STYK1: variants seen among roughly 807,000 people sequenced by gnomAD.
STYK1 encodes the protein tyrosine-protein kinase STYK1.
STYK1 carries 46 observed loss-of-function variants against 48.1 expected under a neutral mutation model. The observed-to-expected ratio is 0.96, with a 90% CI of 0.75 to 1.22. The LOEUF (loss-of-function observed/expected upper bound fraction) is 1.22, where lower values mean the gene tolerates loss of function less well. STYK1 is among the 50% of genes most tolerant of loss of function. STYK1 has a pLI of 0.00. For synonymous variants in STYK1, 188 were observed against 189.0 expected (o/e 0.99, Z 0.04); for missense variants, 527 against 521.1 (o/e 1.01, Z -0.11).
At chr12:10,634,834 G>C (rs1947468787) in intron 2 of STYK1, 148 bp from the exon 3 acceptor site, 1 of 574,954 alleles carries the variant, frequency 1.7e-6, no homozygotes, top group Admixed American at 3.1e-5. Context: ...CTACCTAGCT[G>C]ATATTCAGGT....
intron 6 of STYK1, among the ~76,000 whole-genome samples, chr12:10,628,456 G>A (rs969407215): frequency 2.0e-5 from 3 of 152,196 alleles, no homozygotes; most frequent in Non-Finnish European, 2.9e-5. Flanking sequence ...AAAATGGAAA[G>A]AAGCTAGTGC....
At chr12:10,652,389 C>T (rs112233692) in intron 1 of STYK1, among the ~76,000 whole-genome samples, 48 of 152,192 alleles carry the variant, frequency 3.2e-4, no homozygotes, top group African/African-American at 9.9e-4. Context: ...CATAGAATTG[C>T]GCAATGTAAT....
chr12:10,622,782 A>C (rs1490866145), intron 8 of STYK1, 104 bp from the exon 9 acceptor site: 2 of 1,329,152 alleles, frequency 1.5e-6, no homozygotes, highest in East Asian at 4.8e-5. Flanking sequence ...TGAAAAAGGC[A>C]ATGAAGGAGA....
chr12:10,661,610 G>A lies in STYK1; in HGVS notation c.-195+12356C>T, dbSNP rs114188630. Among the ~76,000 whole-genome samples the A allele has an allele frequency of 4.9e-3, 740 of 152,334 alleles. 5 individuals are homozygous for A. The highest frequency in any genetic ancestry group is 0.016 in the African/African-American group (671 of 41,578). ...AACATTTATATAGTGGTAGTCATGT[G>A]TTAGGCACTCTTCCAAGCACTTCAC... On this transcript the variant is annotated intron_variant, in intron 1 of 10. Coordinates refer to ENST00000075503, the MANE Select transcript of STYK1 (RefSeq NM_018423.3).
intron 1 of STYK1, among the ~76,000 whole-genome samples, chr12:10,670,020 T>C (rs113803544): frequency 2.0e-5 from 3 of 152,206 alleles, no homozygotes; most frequent in African/African-American, 7.2e-5. Context: ...GCTTGCACAC[T>C]GTTGGTGGGA....
At chr12:10,626,564 C>T (rs2120615096) in intron 7 of STYK1, among the ~76,000 whole-genome samples, 1 of 152,286 alleles carries the variant, frequency 6.6e-6, no homozygotes, top group African/African-American at 2.4e-5. Context: ...AGTAGCTTCA[C>T]AGAACCCCGA....
chr12:10,663,064 T>G (rs1168135389), intron 1 of STYK1, among the ~76,000 whole-genome samples: 1 of 152,210 alleles, frequency 6.6e-6, no homozygotes, highest in Non-Finnish European at 1.5e-5. Flanking sequence ...CCAGCATAAT[T>G]TGTTAAAGAC....
chr12:10,632,390 G>A (rs1045351332), intron 4 of STYK1, among the ~76,000 whole-genome samples: 7 of 152,166 alleles, frequency 4.6e-5, no homozygotes, highest in Admixed American at 2.6e-4. Context: ...AATTGCAAAA[G>A]CATTAAGCAG....
chr12:10,638,941 A>C (rs73040690), intron 1 of STYK1, among the ~76,000 whole-genome samples: 5,798 of 152,276 alleles, frequency 0.038, 148 homozygotes, highest in Non-Finnish European at 0.059. Context: ...TTAGATAGAC[A>C]AGTGATCCAC....
chr12:10,673,475 T>C (rs563616635), intron 1 of STYK1: 2 of 152,262 alleles, frequency 1.3e-5, no homozygotes, highest in East Asian at 3.9e-4. Flanking sequence ...TGGTTATTGA[T>C]ATCTCATTTA....
chr12:10,632,141 C>T (rs1211147546), intron 4 of STYK1, among the ~76,000 whole-genome samples: 2 of 151,210 alleles, frequency 1.3e-5, no homozygotes, highest in Non-Finnish European at 2.9e-5. Flanking sequence ...CTCCTGAGCC[C>T]AGGAGATCCT....
At chr12:10,638,304 T>C (rs572256521) in intron 1 of STYK1, among the ~76,000 whole-genome samples, 1 of 152,356 alleles carries the variant, frequency 6.6e-6, no homozygotes, top group South Asian at 2.1e-4. Context: ...CATTCCTTAA[T>C]TTCTCTTATC....
At chr12:10,624,984 A>G (rs1947340047) in intron 7 of STYK1, 125 bp from the exon 8 acceptor site, 1 of 750,858 alleles carries the variant, frequency 1.3e-6, no homozygotes, top group Non-Finnish European at 2.3e-6. Flanking sequence ...AAGTCTCACT[A>G]ATAATGATAT....
chr12:10,623,876 A>G (rs1947326737), intron 8 of STYK1, among the ~76,000 whole-genome samples: 2 of 152,176 alleles, frequency 1.3e-5, no homozygotes. Context: ...TCATTTGGGA[A>G]ACTCATCCTT....
intron 1 of STYK1, among the ~76,000 whole-genome samples, chr12:10,637,703 G>A (rs1232429942): frequency 2.6e-5 from 4 of 152,080 alleles, no homozygotes; most frequent in African/African-American, 9.7e-5. Context: ...AGCTAATGTG[G>A]GAAACCTCAC....
At chr12:10,669,347 A>G (rs1947868703) in intron 1 of STYK1, among the ~76,000 whole-genome samples, 1 of 152,202 alleles carries the variant, frequency 6.6e-6, no homozygotes, top group Non-Finnish European at 1.5e-5. Context: ...TTGTTCCATC[A>G]TTAAGCAGGT....
chr12:10,665,779 T>C (rs183041640), intron 1 of STYK1, among the ~76,000 whole-genome samples: 1 of 152,322 alleles, frequency 6.6e-6, no homozygotes, highest in African/African-American at 2.4e-5. Context: ...CTCTGCTTCT[T>C]TTTTCTTCCT....
chr12:10,650,494 G>A (rs773912928), intron 1 of STYK1, among the ~76,000 whole-genome samples: 8 of 152,200 alleles, frequency 5.3e-5, no homozygotes, highest in Non-Finnish European at 8.8e-5. Flanking sequence ...TTTCAAATCA[G>A]TGGTTCCAAC....
intron 6 of STYK1, 30 bp downstream of exon 6, chr12:10,629,463 A>G: frequency 6.2e-7 from 1 of 1,611,254 alleles, no homozygotes; most frequent in Non-Finnish European, 8.5e-7. Flanking sequence ...TCAAGCCTTA[A>G]CCTCCTAATA....
Sources: allele counts gnomAD v4.1 joint callset (sites outside exome capture counted in the v4.1 genomes callset), GRCh38; gene constraint gnomAD v4.1.1; transcripts MANE v1.5; gene names NCBI Gene and HGNC (gene_info 2026-07-23, HGNC 2026-07-21).